The following COBL variants were observed in gnomAD, a reference collection of about 807,000 sequenced individuals.
COBL encodes cordon-bleu WH2 repeat protein.
In COBL, 51 loss-of-function variants were observed where a neutral mutation model predicts 98.8. The observed-to-expected ratio is 0.52, with a 90% CI of 0.41 to 0.65. The LOEUF is 0.65. Among genes scored for constraint, COBL ranks in the 30% least tolerant of loss-of-function variants. The pLI, the probability that COBL is intolerant of heterozygous loss-of-function variation, is 0.00. For missense variants in COBL, 1,617 were observed against 1,617.5 expected, an observed-to-expected ratio of 1.00 and a Z score of 0.01; for synonymous variants, 634 against 651.7, an observed-to-expected ratio of 0.97 and a Z score of 0.41.
chr7:51,206,579 C>G (rs944844320), intron 2 of COBL, among the ~76,000 whole-genome samples: 3 of 151,910 alleles, frequency 2.0e-5, no homozygotes, highest in African/African-American at 7.3e-5. Flanking sequence ...TTCGCAGTAT[C>G]TATTGCAGCA....
At chr7:51,201,436 G>A (rs1333859470) in intron 2 of COBL, among the ~76,000 whole-genome samples, 1 of 151,964 alleles carries the variant, frequency 6.6e-6, no homozygotes, top group Non-Finnish European at 1.5e-5. Context: ...CAACATGAAA[G>A]CACCTAAATA....
Position 51,262,133 on chromosome 7 carries a change from C to T in COBL, c.42-42189G>A, listed in dbSNP as rs115234743. On this transcript the variant is annotated intron_variant, in intron 1 of 12. Transcript: ENST00000265136. The stretch of plus-strand genomic sequence containing the variant: ...GCTCCTGCCAGGCTCACCGCACTCA[C>T]CGCACAGCAGCCCTGGCTGGCTCAG... Among the ~76,000 whole-genome samples, 1,147 of 152,308 alleles carry T rather than the reference C, an allele frequency of 7.5e-3. 15 individuals are homozygous for T. Among genetic ancestry groups the T allele is most frequent in the African/African-American group, 0.027 (1,114 of 41,576 alleles).
chr7:51,291,430 T>A (rs2129187454), intron 1 of COBL, among the ~76,000 whole-genome samples: 1 of 152,304 alleles, frequency 6.6e-6, no homozygotes, highest in East Asian at 1.9e-4. Flanking sequence ...AAGGAATTAC[T>A]GTCAGGCAGG....
intron 7 of COBL, among the ~76,000 whole-genome samples, chr7:51,070,425 A>ACACACACAC (rs57774327): frequency 3.3e-5 from 5 of 151,744 alleles, no homozygotes; most frequent in Admixed American, 1.3e-4. Flanking sequence ...ACACACACAC[A>ACACACACAC]AAATTCCGAG....
chr7:51,043,815 A>G, intron 7 of COBL, 123 bp from the exon 8 acceptor site: 1 of 715,538 alleles, frequency 1.4e-6, no homozygotes, highest in South Asian at 1.9e-5. Flanking sequence ...CTCAAAGTAA[A>G]GGAAGAACCT....
chr7:51,102,997 CAG>C (rs1795943463), intron 6 of COBL, among the ~76,000 whole-genome samples: 1 of 152,168 alleles, frequency 6.6e-6, no homozygotes, highest in Non-Finnish European at 1.5e-5. Flanking sequence ...AGGCTGTGCT[CAG>C]AGTGACAACA....
At chr7:51,117,735 C>G (rs943118115) in intron 6 of COBL, among the ~76,000 whole-genome samples, 1 of 152,134 alleles carries the variant, frequency 6.6e-6, no homozygotes, top group Admixed American at 6.6e-5. Flanking sequence ...TCGAATAGGT[C>G]GCATTTTCCT....
intron 1 of COBL, among the ~76,000 whole-genome samples, chr7:51,266,100 C>T (rs1477497065): frequency 2.0e-5 from 3 of 152,106 alleles, no homozygotes. Context: ...GTGACACATG[C>T]TGCTAAAACA....
At chr7:51,247,322 A>G (rs1368286517) in intron 1 of COBL, among the ~76,000 whole-genome samples, 1 of 152,190 alleles carries the variant, frequency 6.6e-6, no homozygotes, top group Admixed American at 6.5e-5. Context: ...ACCCACAGCC[A>G]GTGGAATCAT....
chr7:51,240,348 T>G (rs1002821859), intron 1 of COBL, among the ~76,000 whole-genome samples: 1 of 152,218 alleles, frequency 6.6e-6, no homozygotes, highest in African/African-American at 2.4e-5. Context: ...AAAGAGGACA[T>G]TCTAACATTC....
intron 1 of COBL, among the ~76,000 whole-genome samples, chr7:51,306,053 G>T (rs868683256): frequency 1.3e-5 from 2 of 151,794 alleles, no homozygotes; most frequent in Non-Finnish European, 2.9e-5. Context: ...CGGGGGTGGG[G>T]GCAAACATTG....
intron 1 of COBL, among the ~76,000 whole-genome samples, chr7:51,231,216 ACC>A (rs1794712823): frequency 6.6e-6 from 1 of 152,184 alleles, no homozygotes; most frequent in Non-Finnish European, 1.5e-5. Context: ...AAGTATTGTA[ACC>A]CAGTGTGGAA....
At chr7:51,106,824 T>G (rs987358061) in intron 6 of COBL, among the ~76,000 whole-genome samples, 6 of 151,960 alleles carry the variant, frequency 3.9e-5, no homozygotes, top group African/African-American at 1.2e-4. Flanking sequence ...ATACTGGGCA[T>G]GCTTCATGGA....
chr7:51,229,716 A>C (rs527840193), intron 1 of COBL, among the ~76,000 whole-genome samples: 1 of 152,254 alleles, frequency 6.6e-6, no homozygotes, highest in African/African-American at 2.4e-5. Flanking sequence ...AAAACTACGC[A>C]ACCAGAAGCT....
At position 51,205,250 on chromosome 7, in the gene COBL, C is replaced by T. The variant is rs564676130; in HGVS notation, c.246-11661G>A. Among the ~76,000 whole-genome samples, 8 of 152,292 alleles carry T rather than the reference C, an allele frequency of 5.3e-5. No homozygotes were observed. In the South Asian group the frequency reaches 1.5e-3, roughly 28 times the overall value. ...GAACAAACCTGGAGGTATCAAACAT[C>T]CTGACTTCAAAATATCTTACACAGC... On this transcript the variant is annotated intron_variant, in intron 2 of 12. Transcript: ENST00000265136.
chr7:51,138,465 G>T (rs1799440779), intron 5 of COBL, among the ~76,000 whole-genome samples: 1 of 152,188 alleles, frequency 6.6e-6, no homozygotes, highest in African/African-American at 2.4e-5. Context: ...GCTATTCACA[G>T]TTCTGGAGCT....
At position 51,308,391 on chromosome 7, in the gene COBL, C is replaced by T. The variant is rs373710055; in HGVS notation, c.41+8202G>A. 2.4e-4 allele frequency among the ~76,000 whole-genome samples: 36 copies of T among 152,208 alleles called. 1 individual carries two copies. Among genetic ancestry groups the T allele is most frequent in the Non-Finnish European group, 1.8e-4 (12 of 68,044 alleles). On this transcript the variant is annotated intron_variant, in intron 1 of 12. Coordinates refer to ENST00000265136, the MANE Select transcript of COBL (RefSeq NM_015198.5). The stretch of plus-strand genomic sequence containing the variant: ...GTGCTGGAAGTTAGCTTTAACTTCA[C>T]GCCCACTCTCACACAGACAGACAGA...
chr7:51,017,927 G>A (rs1052487023), intron 12 of COBL, among the ~76,000 whole-genome samples: 1 of 152,224 alleles, frequency 6.6e-6, no homozygotes, highest in Non-Finnish European at 1.5e-5. Context: ...TGCCTGAGAG[G>A]ATCGTGACTA....
intron 1 of COBL, among the ~76,000 whole-genome samples, chr7:51,266,783 G>C (rs12719046): frequency 6.6e-6 from 1 of 151,894 alleles, no homozygotes; most frequent in Non-Finnish European, 1.5e-5. Context: ...TTTTTTGAGT[G>C]CTATGGACAC....
Sources: allele counts gnomAD v4.1 joint callset (sites outside exome capture counted in the v4.1 genomes callset), GRCh38; gene constraint gnomAD v4.1.1; transcripts MANE v1.5; gene names NCBI Gene and HGNC (gene_info 2026-07-23, HGNC 2026-07-21).